Variants in KYNU observed in about 807,000 individuals in gnomAD.
The protein encoded by KYNU is L-kynurenine hydrolase.
In KYNU, 54 loss-of-function variants were observed where a neutral mutation model predicts 59.2. That is an observed-to-expected ratio of 0.91 (90% CI 0.73 to 1.14). KYNU has a LOEUF of 1.14. Ranked by LOEUF, KYNU falls within the 50% of genes most tolerant of loss-of-function variation. The pLI is 0.00. For synonymous variants in KYNU, 177 were observed against 192.0 expected, an observed-to-expected ratio of 0.92 and a Z score of 0.65; for missense variants, 567 against 554.4, an observed-to-expected ratio of 1.02 and a Z score of -0.23.
At chr2:142,954,475 G>C (rs351675) in intron 4 of KYNU, among the ~76,000 whole-genome samples, 16,554 of 152,028 alleles carry the variant, frequency 0.11, 2,252 homozygotes, top group African/African-American at 0.31. Context: ...GATATACTTA[G>C]CACAAAAATA....
At chr2:143,013,050 C>T (rs1686155925) in intron 10 of KYNU, among the ~76,000 whole-genome samples, 1 of 151,922 alleles carries the variant, frequency 6.6e-6, no homozygotes, top group African/African-American at 2.4e-5. Flanking sequence ...GATGGCTATT[C>T]ATAGGTGCTA....
chr2:142,946,712 T>C (rs1016466725), intron 4 of KYNU, among the ~76,000 whole-genome samples: 4 of 152,180 alleles, frequency 2.6e-5, no homozygotes, highest in African/African-American at 9.7e-5. Context: ...GAATGGTAAA[T>C]AAATATTGGC....
At chr2:142,960,265 A>G (rs868613127) in intron 7 of KYNU, among the ~76,000 whole-genome samples, 2 of 152,232 alleles carry the variant, frequency 1.3e-5, no homozygotes, top group African/African-American at 4.8e-5. Context: ...ATCTTGCTAT[A>G]TAATACTTCA....
intron 8 of KYNU, chr2:142,967,368 C>T (rs946618289): frequency 2.6e-5 from 4 of 152,154 alleles, no homozygotes; most frequent in African/African-American, 9.6e-5. Flanking sequence ...ATTCTGCAAA[C>T]TCCAACATTG....
chr2:142,992,163 A>G (rs1685415310), intron 10 of KYNU, among the ~76,000 whole-genome samples: 1 of 151,922 alleles, frequency 6.6e-6, no homozygotes, highest in South Asian at 2.1e-4. Context: ...CTCCTGAATC[A>G]CAAAATCATG....
intron 11 of KYNU, among the ~76,000 whole-genome samples, chr2:143,030,858 C>T (rs992544349): frequency 1.3e-5 from 2 of 152,058 alleles, no homozygotes; most frequent in African/African-American, 4.8e-5. Flanking sequence ...GCCTAGCCTA[C>T]CTTAAAACAC....
At chr2:142,904,188 C>T (rs1286673861) in intron 2 of KYNU, among the ~76,000 whole-genome samples, 1 of 152,196 alleles carries the variant, frequency 6.6e-6, no homozygotes, top group Admixed American at 6.5e-5. Flanking sequence ...TCAATGCCTC[C>T]CTTAGTCTCT....
chr2:142,909,402 A>G (rs1343063076), intron 2 of KYNU, among the ~76,000 whole-genome samples: 1 of 152,160 alleles, frequency 6.6e-6, no homozygotes, highest in Non-Finnish European at 1.5e-5. Flanking sequence ...CAAGTTTGTT[A>G]TATGGGTAAA....
chr2:142,898,757 T>C (rs1275736770), intron 2 of KYNU, among the ~76,000 whole-genome samples: 1 of 152,218 alleles, frequency 6.6e-6, no homozygotes, highest in African/African-American at 2.4e-5. Flanking sequence ...CCTTTTGTTC[T>C]CTGACCTTGG....
intron 8 of KYNU, among the ~76,000 whole-genome samples, chr2:142,960,976 C>T (rs561445382): frequency 1.5e-4 from 23 of 151,656 alleles, no homozygotes; most frequent in Middle Eastern, 3.5e-3. Context: ...AGGGGGATCA[C>T]GAGGTCAGGA....
At chr2:142,961,453 G>T (rs1289669818) in intron 8 of KYNU, among the ~76,000 whole-genome samples, 1 of 151,770 alleles carries the variant, frequency 6.6e-6, no homozygotes, top group African/African-American at 2.4e-5. Context: ...TACATGCTAG[G>T]TCTATTAAAA....
intron 11 of KYNU, among the ~76,000 whole-genome samples, chr2:143,031,785 G>T (rs147010785): frequency 8.5e-5 from 13 of 152,272 alleles, no homozygotes; most frequent in African/African-American, 1.7e-4. Context: ...CCATATATTA[G>T]TCTGTTTTCA....
chr2:143,016,366 A>C (rs1250328091), intron 10 of KYNU, among the ~76,000 whole-genome samples: 2 of 152,214 alleles, frequency 1.3e-5, no homozygotes, highest in African/African-American at 2.4e-5. Context: ...GGTTGTCTCT[A>C]ATAGGATTAT....
intron 10 of KYNU, among the ~76,000 whole-genome samples, chr2:143,026,581 G>A (rs1019850284): frequency 3.9e-5 from 6 of 152,346 alleles, no homozygotes; most frequent in Middle Eastern, 6.8e-3. Flanking sequence ...CACCCCTCAT[G>A]GGAGGGAGCG....
intron 4 of KYNU, among the ~76,000 whole-genome samples, chr2:142,936,205 A>G (rs1312989902): frequency 1.3e-5 from 2 of 152,214 alleles, no homozygotes. Context: ...TCTGAGTGCA[A>G]AAAACGCCTG....
chr2:143,003,290 G>A (rs1182236792), intron 10 of KYNU, among the ~76,000 whole-genome samples: 2 of 152,148 alleles, frequency 1.3e-5, no homozygotes, highest in Non-Finnish European at 2.9e-5. Flanking sequence ...ACAGCTGGGG[G>A]GGGTGGCTCA....
At position 142,946,997 on chromosome 2, in the gene KYNU, G is replaced by C. The variant is rs866456891; in HGVS notation, c.374-7813G>C. The C allele has an allele frequency of 4.0e-6, 6 of 1,514,810 alleles. No individual in the cohort carries two copies. The Middle Eastern group carries it at 1.0e-3, about 258-fold the overall frequency. The allele number at this position is 1,514,810 out of a possible 1,614,324, so 93.8% of individuals were successfully genotyped here. On this transcript the variant is annotated intron_variant, in intron 4 of 13. Transcript: ENST00000264170. Reference sequence around the variant, plus strand: ...ATTTCAAATAGCCAACTTGAGACAAGTTTATTAGTAATTTCATGGTACCCT... The same window carrying C: ...ATTTCAAATAGCCAACTTGAGACAACTTTATTAGTAATTTCATGGTACCCT...
intron 1 of KYNU, among the ~76,000 whole-genome samples, chr2:142,884,747 C>T (rs1336525483): frequency 1.9e-4 from 24 of 126,866 alleles, no homozygotes; most frequent in Non-Finnish European, 8.0e-5. Context: ...TGCTCTGTTA[C>T]CCAGGCTGGA....
chr2:142,915,635 G>C (rs559515106), intron 2 of KYNU, among the ~76,000 whole-genome samples: 23 of 152,158 alleles, frequency 1.5e-4, no homozygotes, highest in Non-Finnish European at 2.6e-4. Context: ...TCAGAACCAT[G>C]AGCTTTATAG....
Sources: gnomAD v4.1 joint callset for allele counts (sites outside exome capture counted in the v4.1 genomes callset) on GRCh38, gnomAD v4.1.1 for gene constraint, MANE v1.5 for transcripts, NCBI Gene and HGNC (gene_info 2026-07-23, HGNC 2026-07-21) for gene names.